Variants in GADL1 observed in about 807,000 individuals in gnomAD.
The protein encoded by GADL1 is acidic amino acid decarboxylase GADL1.
Under a neutral mutation model 69.5 loss-of-function variants are expected in GADL1, and 71 were observed. The observed-to-expected ratio is 1.02, with a 90% CI of 0.84 to 1.25. GADL1 has a LOEUF of 1.25. GADL1 is among the 50% of genes most tolerant of loss of function. The pLI is 0.00. For synonymous variants in GADL1, 254 were observed against 214.4 expected, an observed-to-expected ratio of 1.18 and a Z score of -1.62; for missense variants, 737 against 631.8, an observed-to-expected ratio of 1.17 and a Z score of -1.79.
chr3:30,769,380 ACACACG>A (rs1696362970), intron 14 of GADL1, among the ~76,000 whole-genome samples: 1 of 151,914 alleles, frequency 6.6e-6, no homozygotes, highest in African/African-American at 2.4e-5. Flanking sequence ...GAACGTATGC[ACACACG>A]CACACACACA....
At chr3:30,759,121 G>A (rs906685354) in intron 14 of GADL1, among the ~76,000 whole-genome samples, 3 of 152,038 alleles carry the variant, frequency 2.0e-5, no homozygotes, top group African/African-American at 7.2e-5. Flanking sequence ...TTTAGTGCTG[G>A]CATCTCGTAA....
At chr3:30,745,913 A>G (rs764926705) in intron 14 of GADL1, among the ~76,000 whole-genome samples, 4 of 150,014 alleles carry the variant, frequency 2.7e-5, no homozygotes, top group Non-Finnish European at 5.9e-5. Context: ...TATTCTTTCC[A>G]TTTCTTCTTC....
intron 14 of GADL1, among the ~76,000 whole-genome samples, chr3:30,775,303 C>T (rs989338783): frequency 1.3e-5 from 2 of 152,226 alleles, no homozygotes; most frequent in African/African-American, 4.8e-5. Flanking sequence ...TGACGTTAGT[C>T]TGAATCAGAG....
Position 30,861,639 on chromosome 3 carries a change from AGCCTACAG to A in GADL1, c.156_163del (p.Cys53AsnfsTer14). On this transcript the variant is annotated frameshift_variant, in exon 2 of 15. Transcript: ENST00000282538. LOFTEE classifies it high-confidence loss of function. ...TTTCAAAACCACCTCTTCCATTATT[AGCCTACAG>A]GCCTCTTCAACAAATTTTTCTCCAG... The A allele has an allele frequency of 6.5e-7, 1 of 1,550,110 alleles. No homozygotes were observed. The highest frequency in any genetic ancestry group is 8.7e-7 in the Non-Finnish European group (1 of 1,145,964).
intron 14 of GADL1, among the ~76,000 whole-genome samples, chr3:30,777,234 A>G (rs1010459072): frequency 6.6e-6 from 1 of 152,050 alleles, no homozygotes; most frequent in Non-Finnish European, 1.5e-5. Context: ...TAGGCTATGG[A>G]CAATGAAAAT....
intron 14 of GADL1, among the ~76,000 whole-genome samples, chr3:30,737,712 T>C (rs1274867857): frequency 6.6e-6 from 1 of 152,126 alleles, no homozygotes; most frequent in Non-Finnish European, 1.5e-5. Context: ...CTTGGCAGAA[T>C]ATGAAGAAAA....
At chr3:30,787,523 T>C (rs960314923) in intron 12 of GADL1, among the ~76,000 whole-genome samples, 3 of 152,036 alleles carry the variant, frequency 2.0e-5, no homozygotes, top group African/African-American at 7.2e-5. Context: ...GACTCAAACA[T>C]AAGGAAATAA....
Position 30,816,530 on chromosome 3 carries a change from C to CTTTTTTTTTTTTTTTTTTTTTTTTTT in GADL1, c.1051-15468_1051-15443dup, listed in dbSNP as rs773530741. 1.3e-4 allele frequency among the ~76,000 whole-genome samples: 7 copies of CTTTTTTTTTTTTTTTTTTTTTTTTTT among 53,988 alleles called. 2 individuals are homozygous for CTTTTTTTTTTTTTTTTTTTTTTTTTT. Among genetic ancestry groups the CTTTTTTTTTTTTTTTTTTTTTTTTTT allele is most frequent in the Non-Finnish European group, 2.0e-4 (5 of 25,434 alleles). The allele number at this position is 53,988 out of a possible 152,430, so 35.4% of individuals were successfully genotyped here. A position where few individuals can be genotyped will look rare whatever the true frequency, so the allele number is the denominator to read the frequency against. ...AGACCATATATTCTTAATTTGTTTTCTTTTTTTTTTTTTTTTTTTTTTTTT... is the reference window on the plus strand; with the variant it reads ...AGACCATATATTCTTAATTTGTTTTCTTTTTTTTTTTTTTTTTTTTTTTTTTTTTTTTTTTTTTTTTTTTTTTTTTT... On this transcript the variant is annotated intron_variant, in intron 11 of 14. Transcript: ENST00000282538.
intron 14 of GADL1, among the ~76,000 whole-genome samples, chr3:30,737,718 GA>G (rs1695559522): frequency 6.6e-6 from 1 of 151,998 alleles, no homozygotes; most frequent in South Asian, 2.1e-4. Context: ...AGAATATGAA[GA>G]AAAAAGCCAT....
intron 12 of GADL1, 30 bp from the exon 13 acceptor site, chr3:30,786,436 A>G: frequency 9.0e-7 from 1 of 1,115,044 alleles, no homozygotes. Context: ...TAATATTTAT[A>G]ATCTGCAATG....
Position 30,873,441 on chromosome 3 carries a change from G to A in GADL1, c.38-11676C>T, listed in dbSNP as rs13324271. Among the ~76,000 whole-genome samples the A allele has an allele frequency of 2.8e-3, 432 of 152,020 alleles. 2 individuals are homozygous for A. Among genetic ancestry groups the A allele is most frequent in the African/African-American group, 9.9e-3 (410 of 41,500 alleles). ...TGGAGCCAGAATTCAAAGCCAGGCA[G>A]CCTGATTCCAGATGCCATGTTAATA... On this transcript the variant is annotated intron_variant, in intron 1 of 14. Coordinates refer to ENST00000282538, the MANE Select transcript of GADL1 (RefSeq NM_207359.3).
intron 11 of GADL1, among the ~76,000 whole-genome samples, chr3:30,826,799 C>T (rs1697689627): frequency 6.6e-6 from 1 of 151,836 alleles, no homozygotes; most frequent in South Asian, 2.1e-4. Context: ...ACAAAAATAA[C>T]TTCCTAGGGG....
chr3:30,751,490 T>C (rs1428297874), intron 14 of GADL1, among the ~76,000 whole-genome samples: 1 of 151,276 alleles, frequency 6.6e-6, no homozygotes, highest in Non-Finnish European at 1.5e-5. Flanking sequence ...CCTGGGTAAC[T>C]AGAACCTGGG....
chr3:30,854,829 A>T, intron 3 of GADL1, 40 bp from the exon 4 acceptor site: 1 of 1,050,646 alleles, frequency 9.5e-7, no homozygotes, highest in Non-Finnish European at 1.4e-6. Context: ...TGCAGCAATA[A>T]AAAAAAAAAC....
intron 1 of GADL1, among the ~76,000 whole-genome samples, chr3:30,881,034 A>G (rs1475161819): frequency 6.6e-6 from 1 of 151,900 alleles, no homozygotes; most frequent in East Asian, 1.9e-4. Flanking sequence ...CTTTTCCCTA[A>G]GGGTTAGAGA....
In GADL1 at chr3:30,816,530, C is replaced by CTTT. The variant is rs773530741; in HGVS notation, c.1051-15445_1051-15443dup. Among the ~76,000 whole-genome samples, 122 of 53,976 alleles carry CTTT rather than the reference C, an allele frequency of 2.3e-3. 32 individuals carry two copies. Among genetic ancestry groups the CTTT allele is most frequent in the Non-Finnish European group, 3.2e-3 (81 of 25,430 alleles). 35.4% of individuals were successfully genotyped at this position (53,976 alleles called of 152,430 possible). A position where few individuals can be genotyped will look rare whatever the true frequency, so the allele number is the denominator to read the frequency against. On this transcript the variant is annotated intron_variant, in intron 11 of 14. Coordinates refer to ENST00000282538, the MANE Select transcript of GADL1 (RefSeq NM_207359.3). ...AGACCATATATTCTTAATTTGTTTT[C>CTTT]TTTTTTTTTTTTTTTTTTTTTTTTT... is the stretch of plus-strand genomic sequence containing the variant.
intron 1 of GADL1, among the ~76,000 whole-genome samples, chr3:30,894,285 A>T (rs531787721): frequency 6.6e-6 from 1 of 152,368 alleles, no homozygotes; most frequent in East Asian, 1.9e-4. Flanking sequence ...CTAGGGAAAC[A>T]TGCGGCAGTT....
intron 1 of GADL1, among the ~76,000 whole-genome samples, chr3:30,881,458 A>T (rs1434049947): frequency 1.3e-5 from 2 of 151,942 alleles, no homozygotes; most frequent in Non-Finnish European, 2.9e-5. Context: ...TGTTAAATGC[A>T]ATACACAAAA....
At chr3:30,770,317 C>CT (rs1347071282) in intron 14 of GADL1, among the ~76,000 whole-genome samples, 3 of 152,192 alleles carry the variant, frequency 2.0e-5, no homozygotes, top group Non-Finnish European at 4.4e-5. Flanking sequence ...GATGTTCACT[C>CT]TGATATACTT....
Sources: gnomAD v4.1 joint callset for allele counts (sites outside exome capture counted in the v4.1 genomes callset) on GRCh38, gnomAD v4.1.1 for gene constraint, MANE v1.5 for transcripts, NCBI Gene and HGNC (gene_info 2026-07-23, HGNC 2026-07-21) for gene names.